TSPAN12: variants seen among roughly 807,000 people sequenced by gnomAD.
TSPAN12 encodes the protein tetraspanin-12.
TSPAN12 carries 19 observed loss-of-function variants against 39.2 expected under a neutral mutation model. That is an observed-to-expected ratio of 0.49 (90% CI 0.34 to 0.71). TSPAN12 has a LOEUF of 0.71. TSPAN12 is among the 30% of genes least tolerant of loss of function. TSPAN12 has a pLI of 0.01. For synonymous variants in TSPAN12, 119 were observed against 124.8 expected (o/e 0.95, Z 0.31); for missense variants, 314 against 359.9 (o/e 0.87, Z 1.03).
chr7:120,834,587 T>TTA (rs1359557053), intron 4 of TSPAN12, among the ~76,000 whole-genome samples: 3 of 152,032 alleles, frequency 2.0e-5, no homozygotes, highest in Non-Finnish European at 2.9e-5. Flanking sequence ...CAGCTCTTTT[T>TTA]TATATATATA....
intron 5 of TSPAN12, among the ~76,000 whole-genome samples, chr7:120,813,797 A>T (rs1322523187): frequency 6.6e-6 from 1 of 152,168 alleles, no homozygotes; most frequent in Non-Finnish European, 1.5e-5. Context: ...TGACCAGTAA[A>T]CCACAGAAAC....
intron 4 of TSPAN12, among the ~76,000 whole-genome samples, chr7:120,816,358 G>A (rs1379165062): frequency 3.9e-5 from 4 of 101,766 alleles, no homozygotes; most frequent in Non-Finnish European, 1.0e-4. Flanking sequence ...GATAAGGCAT[G>A]CGCAGGCAAA....
At chr7:120,817,573 A>G (rs1794108486) in intron 4 of TSPAN12, among the ~76,000 whole-genome samples, 1 of 152,182 alleles carries the variant, frequency 6.6e-6, no homozygotes, top group African/African-American at 2.4e-5. Context: ...GAAAATTAAC[A>G]CAAACAGCAG....
At chr7:120,809,149 G>T (rs147654651) in intron 6 of TSPAN12, among the ~76,000 whole-genome samples, 1 of 152,040 alleles carries the variant, frequency 6.6e-6, no homozygotes, top group Non-Finnish European at 1.5e-5. Flanking sequence ...GATAATGGAG[G>T]AGGAAACTTA....
chr7:120,847,247 AC>A (rs369520281), intron 2 of TSPAN12, among the ~76,000 whole-genome samples: 8,607 of 141,874 alleles, frequency 0.061, 456 homozygotes, highest in African/African-American at 0.15. Context: ...AAAAAAAAAA[AC>A]AAAAAACCAG....
chr7:120,808,666 AAAACGTATT>A (rs1365542664), intron 6 of TSPAN12, among the ~76,000 whole-genome samples: 1 of 152,160 alleles, frequency 6.6e-6, no homozygotes, highest in East Asian at 1.9e-4. Flanking sequence ...TAGTATTCTA[AAAACGTATT>A]AAACAAACGT....
intron 5 of TSPAN12, among the ~76,000 whole-genome samples, chr7:120,814,707 T>TA (rs1794047004): frequency 6.6e-6 from 1 of 152,154 alleles, no homozygotes; most frequent in Non-Finnish European, 1.5e-5. Flanking sequence ...ACATGACTAG[T>TA]AAAAATCTTA....
chr7:120,850,647 A>G (rs1794753085), intron 2 of TSPAN12, among the ~76,000 whole-genome samples: 2 of 152,104 alleles, frequency 1.3e-5, no homozygotes, highest in Admixed American at 6.6e-5. Flanking sequence ...CTGAGCCACA[A>G]TGTATATATA....
intron 7 of TSPAN12, among the ~76,000 whole-genome samples, chr7:120,795,568 C>A (rs1008363735): frequency 1.3e-5 from 2 of 152,118 alleles, no homozygotes; most frequent in Admixed American, 6.6e-5. Context: ...AGTCGGGCAG[C>A]CTTTTAATGT....
intron 4 of TSPAN12, among the ~76,000 whole-genome samples, chr7:120,816,223 G>A (rs1794079409): frequency 6.6e-6 from 1 of 152,042 alleles, no homozygotes; most frequent in African/African-American, 2.4e-5. Context: ...GGGTTGGGGG[G>A]TTTCCTTTGC....
intron 7 of TSPAN12, among the ~76,000 whole-genome samples, chr7:120,799,458 T>A (rs1439532407): frequency 7.4e-6 from 1 of 135,602 alleles, no homozygotes; most frequent in African/African-American, 2.8e-5. Context: ...TATATATAAT[T>A]TAATTACATA....
chr7:120,801,776 TAA>T (rs987976582), intron 7 of TSPAN12, among the ~76,000 whole-genome samples: 8 of 152,192 alleles, frequency 5.3e-5, no homozygotes, highest in African/African-American at 2.4e-5. Flanking sequence ...CTACTTATGC[TAA>T]GTTTCCTATC....
chr7:120,794,676 G>T (rs918740542), intron 7 of TSPAN12, among the ~76,000 whole-genome samples: 1 of 152,162 alleles, frequency 6.6e-6, no homozygotes, highest in African/African-American at 2.4e-5. Flanking sequence ...TGGAAGAATT[G>T]CCTAACACAG....
chr7:120,847,449 T>C (rs917443931), intron 2 of TSPAN12, among the ~76,000 whole-genome samples: 1 of 152,192 alleles, frequency 6.6e-6, no homozygotes, highest in African/African-American at 2.4e-5. Flanking sequence ...CTATCTATCA[T>C]ACTATCACGG....
intron 7 of TSPAN12, among the ~76,000 whole-genome samples, chr7:120,804,779 G>A (rs77224217): frequency 0.033 from 5,008 of 152,158 alleles, 120 homozygotes; most frequent in Middle Eastern, 0.065. Flanking sequence ...GAGGACAGTG[G>A]GCCCCTTGTC....
chr7:120,853,306 ATGGTCT>A (rs1014106022), intron 2 of TSPAN12, among the ~76,000 whole-genome samples: 3 of 151,478 alleles, frequency 2.0e-5, no homozygotes, highest in Non-Finnish European at 2.9e-5. Flanking sequence ...GTTGGCCAGT[ATGGTCT>A]CAATCTCTTG....
chr7:120,790,282 T>G (rs1793497262), intron 7 of TSPAN12, among the ~76,000 whole-genome samples: 1 of 152,214 alleles, frequency 6.6e-6, no homozygotes, highest in South Asian at 2.1e-4. Context: ...GTTAAGATCA[T>G]GAACTGCTAT....
Position 120,840,095 on chromosome 7 carries a change from A to G in TSPAN12, c.81T>C (p.Ser27=). 1 of 1,613,584 alleles carries G rather than the reference A, an allele frequency of 6.2e-7. No homozygotes were observed. Among genetic ancestry groups the G allele is most frequent in the Non-Finnish European group, 8.5e-7 (1 of 1,179,588 alleles). ...TCATCCAAGCAGAAACTGCCAACAC[A>G]CTGATGGACATTAACTGGGGAGAAA... The part of the protein sequence containing the change: ...LNLLFWLMSI[S]VLAVSAWMRD... The change falls in exon 3 of 8, where the codon AGT becomes AGC. Residue 27 remains serine, a synonymous_variant. Transcript: ENST00000222747.
At chr7:120,857,624 C>A (rs920801220) in intron 1 of TSPAN12, among the ~76,000 whole-genome samples, 196 bp downstream of exon 1, 1 of 152,080 alleles carries the variant, frequency 6.6e-6, no homozygotes, top group Non-Finnish European at 1.5e-5. Context: ...CAAAGCCGCC[C>A]GCGGAGCACA....
Sources: allele counts gnomAD v4.1 joint callset (sites outside exome capture counted in the v4.1 genomes callset), GRCh38; gene constraint gnomAD v4.1.1; transcripts MANE v1.5; gene names NCBI Gene and HGNC (gene_info 2026-07-23, HGNC 2026-07-21).